The following CCDC158 variants were observed in gnomAD, a reference collection of about 807,000 sequenced individuals.
The protein encoded by CCDC158 is coiled-coil domain-containing protein 158.
CCDC158 carries 116 observed loss-of-function variants against 138.6 expected under a neutral mutation model. The observed-to-expected ratio is 0.84, with a 90% CI of 0.72 to 0.98. The LOEUF (loss-of-function observed/expected upper bound fraction) is 0.98, where lower values mean the gene tolerates loss of function less well. Ranked by LOEUF, CCDC158 falls within the 50% of genes least tolerant of loss-of-function variation. CCDC158 has a pLI of 0.00. For missense variants in CCDC158, 1,265 were observed against 1,306.1 expected (o/e 0.97, Z 0.48); for synonymous variants, 436 against 442.4 (o/e 0.99, Z 0.18).
At chr4:76,329,891 G>A (rs1720868687) in intron 21 of CCDC158, among the ~76,000 whole-genome samples, 1 of 152,170 alleles carries the variant, frequency 6.6e-6, no homozygotes. Context: ...CAGATTAAAT[G>A]CATAAGCAGA....
At chr4:76,385,526 A>C (rs1030323134) in intron 4 of CCDC158, among the ~76,000 whole-genome samples, 1 of 152,190 alleles carries the variant, frequency 6.6e-6, no homozygotes, top group African/African-American at 2.4e-5. Context: ...GTTGTAAAGA[A>C]AAAAGTTCAA....
intron 24 of CCDC158, among the ~76,000 whole-genome samples, chr4:76,317,148 T>A (rs1719477670): frequency 6.6e-6 from 1 of 151,728 alleles, no homozygotes; most frequent in Non-Finnish European, 1.5e-5. Context: ...TAACATTGAA[T>A]GTAAATGACC....
chr4:76,384,435 A>G lies in CCDC158; in HGVS notation c.399-20T>C. The G allele has an allele frequency of 6.3e-7, 1 of 1,593,068 alleles. No homozygotes were observed. On this transcript the variant is annotated intron_variant, in intron 5 of 24. Transcript: ENST00000682701. ...CTTCGTCTATGAAATAAATGAAAGA[A>G]AATAAATAACATTGATAAAACTCAT...
chr4:76,343,299 A>G (rs1412883194), intron 18 of CCDC158, among the ~76,000 whole-genome samples: 1 of 152,178 alleles, frequency 6.6e-6, no homozygotes, highest in African/African-American at 2.4e-5. Flanking sequence ...TCAATAAAAA[A>G]GCATTACCTA....
At chr4:76,391,768 T>G (rs1183648874) in intron 4 of CCDC158, among the ~76,000 whole-genome samples, 1 of 151,650 alleles carries the variant, frequency 6.6e-6, no homozygotes, top group Non-Finnish European at 1.5e-5. Context: ...TGACAAACCT[T>G]TAGCAAGACT....
In CCDC158 at chr4:76,383,719, G is replaced by T; in HGVS notation, c.746C>A (p.Ala249Glu). 6.2e-7 allele frequency: 1 copy of T among 1,612,896 alleles called. No homozygotes were observed. The highest frequency in any genetic ancestry group is 8.5e-7 in the Non-Finnish European group (1 of 1,178,982). Reference sequence around the variant, plus strand: ...TTTGTTCTGTGATTCAGATTTCAGTGCTTCAAGTTGATCCTCTACCTGGTT... The same window carrying T: ...TTTGTTCTGTGATTCAGATTTCAGTTCTTCAAGTTGATCCTCTACCTGGTT... Reference protein sequence around the residue: ...RIFPVEDQLEALKSESQNKIE... With the variant: ...RIFPVEDQLEELKSESQNKIE... The change falls in exon 7 of 25, where the codon GCA (alanine) becomes GAA (glutamate). Residue 249 changes from alanine to glutamate, a missense_variant. Ala to Glu is a moderately radical substitution (Grantham distance 107, BLOSUM62 -1). Transcript: ENST00000682701.
intron 1 of CCDC158, among the ~76,000 whole-genome samples, chr4:76,418,285 T>C (rs151046220): frequency 3.3e-5 from 5 of 152,252 alleles, no homozygotes; most frequent in African/African-American, 1.2e-4. Flanking sequence ...GGGGATTGAC[T>C]ACAGAAGGGT....
At chr4:76,388,719 T>C (rs1727047909) in intron 4 of CCDC158, among the ~76,000 whole-genome samples, 1 of 152,116 alleles carries the variant, frequency 6.6e-6, no homozygotes, top group Non-Finnish European at 1.5e-5. Context: ...ACTTCAGGTC[T>C]GACCCATCAC....
chr4:76,360,341 C>T (rs28795236), intron 13 of CCDC158, among the ~76,000 whole-genome samples: 4,467 of 152,314 alleles, frequency 0.029, 219 homozygotes, highest in African/African-American at 0.1. Context: ...GGCCCCCACA[C>T]AGAGTCTGCA....
chr4:76,349,782 C>A (rs1269023888), intron 18 of CCDC158, among the ~76,000 whole-genome samples: 1 of 152,134 alleles, frequency 6.6e-6, no homozygotes, highest in Admixed American at 6.5e-5. Context: ...CAAGTACAAT[C>A]TATATATTAA....
chr4:76,366,731 CA>C (rs1362823697), intron 12 of CCDC158, among the ~76,000 whole-genome samples: 2 of 151,782 alleles, frequency 1.3e-5, no homozygotes, highest in Non-Finnish European at 2.9e-5. Context: ...GAGACCAAAA[CA>C]GGGGAAAGAA....
chr4:76,333,931 CA>C, intron 19 of CCDC158, 78 bp downstream of exon 19: 2 of 1,044,548 alleles, frequency 1.9e-6, no homozygotes, highest in Non-Finnish European at 2.7e-6. Context: ...CTCACCCTCC[CA>C]GAGAGTAACA....
chr4:76,352,886 G>C (rs1723184249), intron 16 of CCDC158: 1 of 383,264 alleles, frequency 2.6e-6, no homozygotes, highest in Admixed American at 4.6e-5. Flanking sequence ...TACTGCTCCT[G>C]TGACTATGTT....
In CCDC158 at chr4:76,415,902, G is replaced by A. The variant is rs182269669; in HGVS notation, c.-116-3770C>T. On this transcript the variant is annotated intron_variant, in intron 1 of 24. Coordinates refer to ENST00000682701, the MANE Select transcript of CCDC158 (RefSeq NM_001394954.1). ...CGGGAAAGGGAGTCTCAATTTCCCCGGGGGAGTTTAGAGAAGACTCTACTC... is the reference window on the plus strand; with the variant it reads ...CGGGAAAGGGAGTCTCAATTTCCCCAGGGGAGTTTAGAGAAGACTCTACTC... Among the ~76,000 whole-genome samples, 656 of 152,236 alleles carry A rather than the reference G, an allele frequency of 4.3e-3. 3 individuals are homozygous for A. Among genetic ancestry groups the A allele is most frequent in the African/African-American group, 0.014 (583 of 41,550 alleles).
chr4:76,336,204 A>AAC (rs1721490127), intron 18 of CCDC158, among the ~76,000 whole-genome samples: 1 of 150,722 alleles, frequency 6.6e-6, no homozygotes, highest in East Asian at 1.9e-4. Flanking sequence ...AAAAAAAAAA[A>AAC]AAAAACCATT....
intron 12 of CCDC158, among the ~76,000 whole-genome samples, chr4:76,365,011 C>T (rs964473160): frequency 7.9e-5 from 12 of 152,178 alleles, no homozygotes; most frequent in South Asian, 4.1e-4. Context: ...CAGTAAGGGA[C>T]GGGGAGGGCT....
chr4:76,350,903 A>T, intron 18 of CCDC158, 93 bp downstream of exon 18: 1 of 1,222,028 alleles, frequency 8.2e-7, no homozygotes, highest in Non-Finnish European at 1.1e-6. Context: ...TGCTATGGAT[A>T]TAGAGATATT....
intron 24 of CCDC158, among the ~76,000 whole-genome samples, chr4:76,322,451 T>G (rs1473324985): frequency 6.6e-6 from 1 of 152,186 alleles, no homozygotes; most frequent in Non-Finnish European, 1.5e-5. Flanking sequence ...GAAAATTACA[T>G]GAAGAAAACG....
chr4:76,323,551 T>G, intron 23 of CCDC158, 142 bp from the exon 24 acceptor site: 1 of 577,828 alleles, frequency 1.7e-6, no homozygotes, highest in Non-Finnish European at 3.0e-6. Flanking sequence ...GCTATAACAC[T>G]TAAAGGAAAC....
Sources: allele counts gnomAD v4.1 joint callset (sites outside exome capture counted in the v4.1 genomes callset), GRCh38; gene constraint gnomAD v4.1.1; transcripts MANE v1.5; gene names NCBI Gene and HGNC (gene_info 2026-07-23, HGNC 2026-07-21).